Variants in PLPP2 observed in about 807,000 individuals in gnomAD.
The protein encoded by PLPP2 is PAP2-gamma.
PLPP2 carries 29 observed loss-of-function variants against 35.2 expected under a neutral mutation model. The observed-to-expected ratio is 0.82, with a 90% CI of 0.61 to 1.12. The LOEUF is 1.12. Ranked by LOEUF, PLPP2 falls within the 50% of genes most tolerant of loss-of-function variation. PLPP2 has a pLI of 0.00. For missense variants in PLPP2, 353 were observed against 375.2 expected, an observed-to-expected ratio of 0.94 and a Z score of 0.49; for synonymous variants, 162 against 167.0, an observed-to-expected ratio of 0.97 and a Z score of 0.23.
rs143277361 is a variant in PLPP2 at position 287,743 on chromosome 19, G to A, written c.213C>T (p.Ala71=). 5.6e-4 allele frequency: 899 copies of A among 1,613,224 alleles called. No individual in the cohort carries two copies. The highest frequency in any genetic ancestry group is 7.3e-4 in the Non-Finnish European group (858 of 1,179,746). Residue 71 remains alanine, a synonymous_variant, in exon 3 of 6, where the codon GCC becomes GCT. Coordinates refer to ENST00000434325, the MANE Select transcript of PLPP2 (RefSeq NM_003712.4). This position sits in a 1 kb window ranked among gnomAD's most constrained non-coding sequence, Gnocchi z 4.3. ...TITATVILVS[A]GEAYLVYTDR... is the part of the protein sequence containing the mutation. ...CTGTGTACACCAGGTAGGCTTCCCCGGCCGAGACCTGCAAGAGCAGCCGCA... is the reference window on the plus strand; with the variant it reads ...CTGTGTACACCAGGTAGGCTTCCCCAGCCGAGACCTGCAAGAGCAGCCGCA...
Position 288,081 on chromosome 19 carries a change from C to T in PLPP2, c.143G>A (p.Arg48His), listed in dbSNP as rs770255540. The part of the protein sequence containing the change: ...CGDDSIRYPY[R>H]PDTITHGLMA... ...GAGCCCGTGGGTGATGGTATCTGGACGGTAGGGGTACCGGATGGAGTCATC... is the reference window on the plus strand; with the variant it reads ...GAGCCCGTGGGTGATGGTATCTGGATGGTAGGGGTACCGGATGGAGTCATC... The change falls in exon 2 of 6, where the codon CGT becomes CAT. Residue 48 changes from arginine (R) to histidine (H), a missense_variant. By Grantham distance (29) the Arg-to-His change is conservative. Coordinates refer to ENST00000434325, the MANE Select transcript of PLPP2 (RefSeq NM_003712.4). 5.6e-6 allele frequency: 9 copies of T among 1,613,526 alleles called. No homozygotes were observed. Among genetic ancestry groups the T allele is most frequent in the East Asian group, 2.2e-5 (1 of 44,880 alleles).
At chr19:282,104 CAG>C (rs1211705631) in intron 5 of PLPP2, 28 bp downstream of exon 5, 2 of 1,610,932 alleles carry the variant, frequency 1.2e-6, no homozygotes, top group Non-Finnish European at 1.7e-6. Context: ...CTGGACAACA[CAG>C]GGGATAGAGT....
intron 1 of PLPP2, among the ~76,000 whole-genome samples, chr19:289,579 C>T (rs1049351872): frequency 1.3e-5 from 2 of 151,980 alleles, no homozygotes; most frequent in Non-Finnish European, 2.9e-5. Flanking sequence ...CTGGGTGTGG[C>T]GGTGTCCCAG....
chr19:291,162 C>T (rs550355910), intron 1 of PLPP2, 123 bp downstream of exon 1: 2 of 1,504,082 alleles, frequency 1.3e-6, no homozygotes, highest in East Asian at 5.2e-5. Context: ...AGGTCCCCGC[C>T]TCCAGGGTCC....
chr19:288,086 G>C lies in PLPP2; in HGVS notation c.138C>G (p.Pro46=), dbSNP rs1423443490. The change falls in exon 2 of 6, where the codon CCC becomes CCG. Residue 46 remains proline (P), a synonymous_variant. Coordinates refer to ENST00000434325, the MANE Select transcript of PLPP2 (RefSeq NM_003712.4). Reference sequence around the variant, plus strand: ...CGTGGGTGATGGTATCTGGACGGTAGGGGTACCGGATGGAGTCATCCCCGC... The same window carrying C: ...CGTGGGTGATGGTATCTGGACGGTACGGGTACCGGATGGAGTCATCCCCGC... ...FYCGDDSIRY[P]YRPDTITHGL... 5 of 1,613,588 alleles carry C rather than the reference G, an allele frequency of 3.1e-6. No homozygotes were observed. In the African/African-American group the frequency reaches 6.7e-5, roughly 22 times the overall value.
Position 282,753 on chromosome 19 carries a change from G to A in PLPP2, c.539C>T (p.Ala180Val), listed in dbSNP as rs1138439. ...CAAGCCCGGGAGAAACAGACTCACC[G>A]CCAAGAACACCATGCAGTACATCCC... Reference protein sequence around the residue: ...SFGMYCMVFLALYVQARLCWK... With the variant: ...SFGMYCMVFLVLYVQARLCWK... Residue 180 changes from alanine (A) to valine (V), a missense_variant and splice_region_variant, in exon 4 of 6, where the codon GCG becomes GTG. Transcript: ENST00000434325. 677,580 of 1,610,080 alleles carry A rather than the reference G, an allele frequency of 0.42. 145,595 individuals carry two copies. The highest frequency in any genetic ancestry group is 0.48 in the Middle Eastern group (2,891 of 6,052).
In PLPP2 at chr19:291,373, C is replaced by CCGTCG. The variant is rs757836028; in HGVS notation, c.-42_-38dup. 5 of 1,575,542 alleles carry CCGTCG rather than the reference C, an allele frequency of 3.2e-6. No individual in the cohort carries two copies. The highest frequency in any genetic ancestry group is 4.3e-6 in the Non-Finnish European group (5 of 1,162,650). On this transcript the variant is annotated 5_prime_UTR_variant, in exon 1 of 6. Coordinates refer to ENST00000434325, the MANE Select transcript of PLPP2 (RefSeq NM_003712.4). Reference sequence around the variant, plus strand: ...CCCCCGACGCCGGTCCCAGCGCGTCCCGTCGCGTCCCGGCCCGGCCGCGGA... The same window carrying CCGTCG: ...CCCCCGACGCCGGTCCCAGCGCGTCCCGTCGCGTCGCGTCCCGGCCCGGCCGCGGA...
At position 291,265 on chromosome 19, in the gene PLPP2, C is replaced by G; in HGVS notation, c.52+20G>C. The G allele has an allele frequency of 6.3e-7, 1 of 1,599,994 alleles. No homozygotes were observed. Among genetic ancestry groups the G allele is most frequent in the Non-Finnish European group, 8.5e-7 (1 of 1,174,252 alleles). On this transcript the variant is annotated intron_variant, in intron 1 of 5. Transcript: ENST00000434325. Reference sequence around the variant, plus strand: ...GTCCCGGGAGGGTCCCCCCAACACCCGGGTCCCCAAGGCTCTTACCGACCA... The same window carrying G: ...GTCCCGGGAGGGTCCCCCCAACACCGGGGTCCCCAAGGCTCTTACCGACCA...
Position 282,733 on chromosome 19 carries a change from C to T in PLPP2, c.540+19G>A. 1 of 1,609,364 alleles carries T rather than the reference C, an allele frequency of 6.2e-7. No individual in the cohort carries two copies. The highest frequency in any genetic ancestry group is 8.5e-7 in the Non-Finnish European group (1 of 1,176,036). ...GCCATGGTTCCCCCGAAAAGCAAGC[C>T]CGGGAGAAACAGACTCACCGCCAAG... is the stretch of plus-strand genomic sequence containing the variant. On this transcript the variant is annotated intron_variant, in intron 4 of 5. Transcript: ENST00000434325.
exon 1 of PLPP2, chr19:291,388 CCGGCCGCGGAGTCACGTGGCG>C: frequency 6.4e-7 from 1 of 1,557,526 alleles, no homozygotes; most frequent in Non-Finnish European, 8.7e-7. Context: ...GCGTCCCGGC[CCGGCCGCGGAGTCACGTGGCG>C]CGGAGCCCGC....
chr19:290,073 T>C (rs1357595413), intron 1 of PLPP2, among the ~76,000 whole-genome samples: 1 of 152,112 alleles, frequency 6.6e-6, no homozygotes, highest in Non-Finnish European at 1.5e-5. Context: ...CTTCTCTTCA[T>C]TTAGCCCCCG....
rs768415313 is a variant in PLPP2 at position 287,770 on chromosome 19, G to A, written c.205-19C>T. 1.2e-6 allele frequency: 2 copies of A among 1,612,192 alleles called. No homozygotes were observed. Among genetic ancestry groups the A allele is most frequent in the Non-Finnish European group, 1.7e-6 (2 of 1,179,046 alleles). The stretch of plus-strand genomic sequence containing the variant: ...CCGAGACCTGCAAGAGCAGCCGCAG[G>A]AACCAGTGGGGGTCTCGGTCGGCCC... On this transcript the variant is annotated intron_variant, in intron 2 of 5. Transcript: ENST00000434325. The surrounding 1 kb of genome is among the most constrained non-coding windows in gnomAD (Gnocchi z 4.3).
chr19:282,953 T>A, intron 3 of PLPP2, 144 bp from the exon 4 acceptor site: 1 of 693,238 alleles, frequency 1.4e-6, no homozygotes. Context: ...ACTGTTCCCC[T>A]TTTCTGTTCC....
chr19:284,548 A>G (rs1165780385), intron 3 of PLPP2: 1 of 152,198 alleles, frequency 6.6e-6, no homozygotes, highest in African/African-American at 2.4e-5. Flanking sequence ...AGCTGTGACA[A>G]CAGTTGTGTG....
intron 5 of PLPP2, among the ~76,000 whole-genome samples, chr19:281,818 G>A (rs1970178607): frequency 6.9e-6 from 1 of 144,238 alleles, no homozygotes; most frequent in African/African-American, 2.6e-5. Flanking sequence ...GGGTGCAGGG[G>A]AGGAATGGGG....
chr19:282,811 T>A lies in PLPP2; in HGVS notation c.483-2A>T. On this transcript the variant is annotated splice_acceptor_variant, in intron 3 of 5. Coordinates refer to ENST00000434325, the MANE Select transcript of PLPP2 (RefSeq NM_003712.4). LOFTEE classifies it high-confidence loss of function. ...GAGTGTCCCGAGTAGAAAGACAACC[T>A]GAGGAAGGAGAAGGGGCAGGTGGCT... is the stretch of plus-strand genomic sequence containing the variant. 1 of 1,613,106 alleles carries A rather than the reference T, an allele frequency of 6.2e-7. No homozygotes were observed. Among genetic ancestry groups the A allele is most frequent in the Non-Finnish European group, 8.5e-7 (1 of 1,179,604 alleles).
At chr19:289,461 G>T (rs922582516) in intron 1 of PLPP2, among the ~76,000 whole-genome samples, 1 of 61,514 alleles carries the variant, frequency 1.6e-5, no homozygotes, top group East Asian at 2.5e-4. Flanking sequence ...CCGGCGTGGT[G>T]GCTCAGCACT....
Position 287,940 on chromosome 19 carries a change from A to C in PLPP2, c.204+80T>G, listed in dbSNP as rs1283079319. ...CAGACCTCCAGGGCAGGGCTGTGCCACCCCCCCATCAGGCCCCCAGGGTAA... is the reference window on the plus strand; with the variant it reads ...CAGACCTCCAGGGCAGGGCTGTGCCCCCCCCCCATCAGGCCCCCAGGGTAA... On this transcript the variant is annotated intron_variant, in intron 2 of 5. Transcript: ENST00000434325. This position sits in a 1 kb window ranked among gnomAD's most constrained non-coding sequence, Gnocchi z 4.3. The C allele has an allele frequency of 3.5e-4, 532 of 1,529,824 alleles. 7 individuals are homozygous for C. The South Asian group carries it at 5.9e-3, about 17-fold the overall frequency. 94.8% of individuals were successfully genotyped at this position (1,529,824 alleles called of 1,614,324 possible). A position where few individuals can be genotyped will look rare whatever the true frequency, so the allele number is the denominator to read the frequency against.
intron 3 of PLPP2, chr19:286,096 T>C (rs1970267517): frequency 6.7e-6 from 1 of 149,150 alleles, no homozygotes; most frequent in Non-Finnish European, 1.5e-5. Context: ...GAGATGGAGG[T>C]TGCAGTGAGC....
Sources: allele counts gnomAD v4.1 joint callset (sites outside exome capture counted in the v4.1 genomes callset), GRCh38; gene constraint gnomAD v4.1.1; non-coding constraint Gnocchi (gnomAD v3.1); transcripts MANE v1.5; gene names NCBI Gene and HGNC (gene_info 2026-07-23, HGNC 2026-07-21).